RTN4: variants seen among roughly 807,000 people sequenced by gnomAD.
RTN4 encodes the protein reticulon-4.
In RTN4, 32 loss-of-function variants were observed where a neutral mutation model predicts 90.4. That is an observed-to-expected ratio of 0.35 (90% confidence interval 0.27 to 0.48). RTN4 has a LOEUF of 0.48. Ranked by LOEUF, RTN4 falls within the 20% of genes least tolerant of loss-of-function variation. RTN4 has a pLI of 0.99. For synonymous variants in RTN4, 629 were observed against 552.5 expected (o/e 1.14, Z -1.94); for missense variants, 1,706 against 1,430.2 (o/e 1.19, Z -3.11).
intron 1 of RTN4, among the ~76,000 whole-genome samples, chr2:55,104,845 C>T (rs10221705): frequency 0.39 from 59,521 of 151,524 alleles, 12,099 homozygotes; most frequent in African/African-American, 0.45. Flanking sequence ...CTCATTCTGT[C>T]GCCCAGGCTG....
At chr2:55,044,053 G>A (rs1043229381) in intron 1 of RTN4, among the ~76,000 whole-genome samples, 8 of 150,800 alleles carry the variant, frequency 5.3e-5, no homozygotes, top group Admixed American at 6.6e-5. Context: ...AAAATTAGCC[G>A]GGCGTGGTGG....
intron 2 of RTN4, among the ~76,000 whole-genome samples, chr2:55,057,994 A>G (rs1668220510): frequency 6.6e-6 from 1 of 152,128 alleles, no homozygotes; most frequent in Non-Finnish European, 1.5e-5. Flanking sequence ...AAAATAAAAT[A>G]AATAAATAAT....
chr2:55,004,126 C>T (rs1006848845), intron 3 of RTN4, among the ~76,000 whole-genome samples: 1 of 152,144 alleles, frequency 6.6e-6, no homozygotes, highest in Non-Finnish European at 1.5e-5. Context: ...AACCTTTTGA[C>T]AATACCTGTA....
chr2:54,996,990 T>C (rs1274803325), intron 3 of RTN4, among the ~76,000 whole-genome samples: 1 of 152,102 alleles, frequency 6.6e-6, no homozygotes, highest in Non-Finnish European at 1.5e-5. Context: ...TTCTTACATA[T>C]AACACCAAAA....
At chr2:54,993,028 T>G (rs3925500) in intron 3 of RTN4, among the ~76,000 whole-genome samples, 3,207 of 144,966 alleles carry the variant, frequency 0.022, 62 homozygotes, top group South Asian at 0.033. Context: ...GAGCCGAGAT[T>G]GCGCCACTGC....
chr2:55,046,398 C>T (rs1667729432), intron 1 of RTN4, among the ~76,000 whole-genome samples: 1 of 152,170 alleles, frequency 6.6e-6, no homozygotes, highest in African/African-American at 2.4e-5. Flanking sequence ...ACTAGTCTTA[C>T]ACTAGATTCT....
chr2:55,086,393 G>A (rs1425900038), intron 1 of RTN4, among the ~76,000 whole-genome samples: 3 of 152,052 alleles, frequency 2.0e-5, no homozygotes, highest in African/African-American at 7.2e-5. Flanking sequence ...GGGTGCAGTG[G>A]CTCGCACCTG....
chr2:54,993,161 C>T (rs1029745249), intron 3 of RTN4, among the ~76,000 whole-genome samples: 1 of 151,698 alleles, frequency 6.6e-6, no homozygotes, highest in Non-Finnish European at 1.5e-5. Flanking sequence ...TTTATCTCTG[C>T]ATAACGGGAT....
At chr2:55,073,975 T>A (rs1234118842) in intron 2 of RTN4, among the ~76,000 whole-genome samples, 1 of 152,180 alleles carries the variant, frequency 6.6e-6, no homozygotes, top group Non-Finnish European at 1.5e-5. Context: ...GCATTCACTG[T>A]GAGGTTAAGC....
chr2:55,070,821 G>C (rs1668497377), intron 2 of RTN4, among the ~76,000 whole-genome samples: 1 of 151,722 alleles, frequency 6.6e-6, no homozygotes, highest in Non-Finnish European at 1.5e-5. Context: ...CTCTTGCCCA[G>C]GCTGGAGTAC....
intron 3 of RTN4, among the ~76,000 whole-genome samples, chr2:55,017,633 G>A (rs1325952140): frequency 6.6e-6 from 1 of 152,170 alleles, no homozygotes; most frequent in African/African-American, 2.4e-5. Context: ...TTATCATTAA[G>A]TCAAGATCTC....
At chr2:55,027,994 T>TTCC (rs1682031394) in intron 2 of RTN4, among the ~76,000 whole-genome samples, 170 bp downstream of exon 2, 1 of 152,242 alleles carries the variant, frequency 6.6e-6, no homozygotes, top group South Asian at 2.1e-4. Flanking sequence ...TTGCTCATTT[T>TTCC]TCCCTTGGGC....
the RTN4 span, among the ~76,000 whole-genome samples, chr2:55,131,937 G>C: frequency 6.6e-6 from 1 of 152,084 alleles, no homozygotes; most frequent in Non-Finnish European, 1.5e-5. Flanking sequence ...TTTATTACAT[G>C]ATATTTTAAC....
intron 5 of RTN4, among the ~76,000 whole-genome samples, chr2:54,978,165 C>T (rs1677801062): frequency 1.3e-5 from 2 of 152,128 alleles, no homozygotes; most frequent in Non-Finnish European, 2.9e-5. Flanking sequence ...CATGGTGGCT[C>T]ACACCTGTAA....
At chr2:54,976,178 C>T (rs1245405536) in intron 5 of RTN4, among the ~76,000 whole-genome samples, 5 of 152,222 alleles carry the variant, frequency 3.3e-5, no homozygotes, top group Non-Finnish European at 7.3e-5. Flanking sequence ...ATGCCCTTAA[C>T]ATGACAGAAG....
At chr2:54,983,134 T>C (rs1325528248) in intron 4 of RTN4, among the ~76,000 whole-genome samples, 1 of 151,704 alleles carries the variant, frequency 6.6e-6, no homozygotes, top group Non-Finnish European at 1.5e-5. Flanking sequence ...ATCTTTTTCA[T>C]TTCCAAATCC....
At chr2:55,051,705 G>C (rs1197768709), upstream of RTN4, among the ~76,000 whole-genome samples, 1 of 152,156 alleles carries the variant, frequency 6.6e-6, no homozygotes, top group Admixed American at 6.5e-5. Context: ...TATGTAGCTA[G>C]GCTGAAATTA....
rs1668025128 is a variant in RTN4, at chr2:55,050,175, C to T, written c.126G>A (p.Glu42=). The change falls in exon 1 of 9, where the codon GAG becomes GAA. Residue 42 remains glutamate, a synonymous_variant. Transcript: ENST00000337526. This position sits in a 1 kb window ranked among gnomAD's most constrained non-coding sequence, Gnocchi z 4.6. ...CCTCCAGGTCTTCGTCCTCGTCCTC[C>T]TCTTCCTCCTCCTCTTCTTCCTCCT... ...EDEEEEEEEE[E]EDEDEDLEEL... is the part of the protein sequence containing the mutation. The T allele has an allele frequency of 6.4e-7, 1 of 1,568,626 alleles. No individual in the cohort carries two copies. The highest frequency in any genetic ancestry group is 8.6e-7 in the Non-Finnish European group (1 of 1,163,472).
chr2:55,035,593 T>C (rs944878475), intron 1 of RTN4, among the ~76,000 whole-genome samples: 2 of 150,190 alleles, frequency 1.3e-5, no homozygotes, highest in Admixed American at 6.6e-5. Context: ...AAATAAGTAG[T>C]AAAGAGCAGA....
Sources: gnomAD v4.1 joint callset for allele counts (sites outside exome capture counted in the v4.1 genomes callset) on GRCh38, gnomAD v4.1.1 for gene constraint, Gnocchi (gnomAD v3.1) non-coding constraint, MANE v1.5 for transcripts, NCBI Gene and HGNC (gene_info 2026-07-23, HGNC 2026-07-21) for gene names.